The following ANKH variants were observed in gnomAD, a reference collection of about 807,000 sequenced individuals.
The protein encoded by ANKH is ANKH inorganic pyrophosphate transport regulator.
Under a neutral mutation model 49.0 loss-of-function variants are expected in ANKH, and 15 were observed. The ratio of observed to expected loss-of-function variants is 0.31; its 90% CI spans 0.20 to 0.47. The LOEUF is 0.47. Among genes scored for constraint, ANKH ranks in the 20% least tolerant of loss-of-function variants. ANKH has a pLI of 1.00. For synonymous variants in ANKH, 273 were observed against 260.0 expected (o/e 1.05, Z -0.48); for missense variants, 429 against 652.0 (o/e 0.66, Z 3.72).
intron 1 of ANKH, among the ~76,000 whole-genome samples, chr5:14,836,393 TTAAGCTGA>T (rs1741655518): frequency 6.6e-6 from 1 of 152,234 alleles, no homozygotes. Flanking sequence ...CCAAATCTGC[TTAAGCTGA>T]TAAGCAACTT....
At chr5:14,711,935 T>TCC (rs1737227620) in intron 11 of ANKH, among the ~76,000 whole-genome samples, 1 of 152,210 alleles carries the variant, frequency 6.6e-6, no homozygotes, top group Non-Finnish European at 1.5e-5. Context: ...AAGGACATTG[T>TCC]CCTCTGTCTG....
At chr5:14,752,804 G>C (rs972723046) in intron 4 of ANKH, among the ~76,000 whole-genome samples, 2 of 152,140 alleles carry the variant, frequency 1.3e-5, no homozygotes, top group African/African-American at 2.4e-5. Flanking sequence ...TCATTAGTAA[G>C]AATCATCTGG....
chr5:14,768,898 A>G, intron 2 of ANKH, 77 bp downstream of exon 2: 1 of 1,476,992 alleles, frequency 6.8e-7, no homozygotes, highest in Admixed American at 1.7e-5. Context: ...ACTTATCTCA[A>G]TAAATACATT....
In ANKH at chr5:14,791,450, T is replaced by C. The variant is rs180858841; in HGVS notation, c.97-22259A>G. 7.2e-5 allele frequency among the ~76,000 whole-genome samples: 11 copies of C among 152,352 alleles called. No individual in the cohort carries two copies. The East Asian group carries it at 7.7e-4, about 11-fold the overall frequency. On this transcript the variant is annotated intron_variant, in intron 1 of 11. Transcript: ENST00000284268. ...AAAAGCACCTTCTATACCAAGTCTGTCTGCTGCCTACCCAAGCTCCTACGG... is the reference window on the plus strand; with the variant it reads ...AAAAGCACCTTCTATACCAAGTCTGCCTGCTGCCTACCCAAGCTCCTACGG...
chr5:14,710,925 G>GTGTC lies in ANKH; in HGVS notation c.*268_*271dup, dbSNP rs1737158521. On this transcript the variant is annotated 3_prime_UTR_variant, in exon 12 of 12. Transcript: ENST00000284268. ...ACACAACGTCAACCGTGAGGCAGCT[G>GTGTC]TGTCTTTTGGGTTTTCGTGAGGCAG... 2 of 438,696 alleles carry GTGTC rather than the reference G, an allele frequency of 4.6e-6. No homozygotes were observed. The allele number at this position is 438,696 out of a possible 1,614,324, so 27.2% of individuals were successfully genotyped here. A position where few individuals can be genotyped will look rare whatever the true frequency, so the allele number is the denominator to read the frequency against.
rs112941929 is a variant in ANKH, at chr5:14,735,991, A to G, written c.1011+5836T>C. On this transcript the variant is annotated intron_variant, in intron 8 of 11. Transcript: ENST00000284268. ...CAAAAAGCAAGGCTCAGAAAGATCC[A>G]GAGTAAAAACCTAACTTTTTTTTTT... Among the ~76,000 whole-genome samples the G allele has an allele frequency of 9.0e-4, 134 of 149,486 alleles. 1 individual carries two copies. The highest frequency in any genetic ancestry group is 3.2e-3 in the African/African-American group (128 of 40,316).
chr5:14,833,362 T>C (rs1741559739), intron 1 of ANKH, among the ~76,000 whole-genome samples: 1 of 152,204 alleles, frequency 6.6e-6, no homozygotes, highest in South Asian at 2.1e-4. Context: ...GTTTCATTCA[T>C]TCACACACAA....
At chr5:14,715,991 T>A (rs761046603) in intron 9 of ANKH, among the ~76,000 whole-genome samples, 24 of 152,210 alleles carry the variant, frequency 1.6e-4, no homozygotes, top group Non-Finnish European at 2.8e-4. Context: ...AGCAATACGC[T>A]CACTCTATTT....
intron 4 of ANKH, 31 bp downstream of exon 4, chr5:14,755,830 G>T: frequency 6.3e-7 from 1 of 1,592,760 alleles, no homozygotes; most frequent in South Asian, 1.1e-5. Flanking sequence ...GGACTCTGAG[G>T]AGCTCTGATT....
chr5:14,803,735 G>A (rs141743865), intron 1 of ANKH, among the ~76,000 whole-genome samples: 162 of 152,276 alleles, frequency 1.1e-3, no homozygotes, highest in African/African-American at 3.7e-3. Context: ...CTCCAGCCAA[G>A]TGCTCTTTCC....
intron 1 of ANKH, among the ~76,000 whole-genome samples, chr5:14,786,392 C>G (rs987595454): frequency 1.1e-4 from 17 of 152,116 alleles, no homozygotes; most frequent in African/African-American, 4.1e-4. Context: ...GCGTTCCAGT[C>G]AGAATTCTAG....
rs540240426 is a variant in ANKH, at chr5:14,807,295, G to A, written c.97-38104C>T. 9.2e-4 allele frequency among the ~76,000 whole-genome samples: 139 copies of A among 151,772 alleles called. 3 individuals carry two copies. In the South Asian group the frequency reaches 0.029, roughly 31 times the overall value. On this transcript the variant is annotated intron_variant, in intron 1 of 11. Coordinates refer to ENST00000284268, the MANE Select transcript of ANKH (RefSeq NM_054027.6). ...ATGCCTGGCTAATTTTTGCATTTTT[G>A]GTAGAGAGGGGGTTTCACCACGTTG...
intron 1 of ANKH, among the ~76,000 whole-genome samples, chr5:14,790,367 A>C (rs1321617279): frequency 6.6e-6 from 1 of 152,256 alleles, no homozygotes; most frequent in African/African-American, 2.4e-5. Flanking sequence ...ATTAAAAGAG[A>C]AAAACACAGA....
chr5:14,780,053 CT>C (rs34249421), intron 1 of ANKH, among the ~76,000 whole-genome samples: 28,525 of 140,924 alleles, frequency 0.2, 3,118 homozygotes, highest in East Asian at 0.49. Context: ...AGGATAACAG[CT>C]TTTTTTTTTT....
intron 1 of ANKH, among the ~76,000 whole-genome samples, chr5:14,792,334 G>A (rs943403157): frequency 6.6e-6 from 1 of 152,254 alleles, no homozygotes; most frequent in African/African-American, 2.4e-5. Flanking sequence ...GGACTAGAGT[G>A]GCAAAAAACA....
At chr5:14,838,187 C>T (rs573749875) in intron 1 of ANKH, among the ~76,000 whole-genome samples, 1 of 152,080 alleles carries the variant, frequency 6.6e-6, no homozygotes, top group Non-Finnish European at 1.5e-5. Flanking sequence ...GGGTGCAGCA[C>T]ACCAACATGG....
chr5:14,838,277 C>T (rs1484554183), intron 1 of ANKH, among the ~76,000 whole-genome samples: 1 of 149,134 alleles, frequency 6.7e-6, no homozygotes, highest in Non-Finnish European at 1.5e-5. Flanking sequence ...AAAAAATTAC[C>T]TAACGCTAAA....
At chr5:14,757,430 A>ATATATATTTT (rs1379233165) in intron 3 of ANKH, among the ~76,000 whole-genome samples, 1 of 113,818 alleles carries the variant, frequency 8.8e-6, no homozygotes, top group African/African-American at 3.3e-5. Context: ...ATATATATAT[A>ATATATATTTT]TTTTTTTTTT....
chr5:14,721,042 G>C (rs1400714116), intron 8 of ANKH, among the ~76,000 whole-genome samples: 4 of 152,180 alleles, frequency 2.6e-5, no homozygotes, highest in Non-Finnish European at 4.4e-5. Flanking sequence ...AGCAGTGGGT[G>C]GGGGGTCAGC....
Sources: gnomAD v4.1 joint callset for allele counts (sites outside exome capture counted in the v4.1 genomes callset) on GRCh38, gnomAD v4.1.1 for gene constraint, MANE v1.5 for transcripts, NCBI Gene and HGNC (gene_info 2026-07-23, HGNC 2026-07-21) for gene names.